The following CUX1 variants were observed in gnomAD, a reference collection of about 807,000 sequenced individuals.
CUX1 encodes cut like homeobox 1, also known as protein CASP.
A neutral mutation model predicts 158.8 loss-of-function variants in CUX1; 31 were observed. The observed-to-expected ratio is 0.20, with a 90% CI of 0.15 to 0.26. The LOEUF is 0.26. Among genes scored for constraint, CUX1 ranks in the 10% least tolerant of loss-of-function variants. The probability of loss-of-function intolerance (pLI) is 1.00; values close to 1 mark genes in which losing one functional copy is unlikely to be tolerated. For missense variants in CUX1, 1,589 were observed against 2,014.6 expected, an observed-to-expected ratio of 0.79 and a Z score of 4.04; for synonymous variants, 879 against 862.1, an observed-to-expected ratio of 1.02 and a Z score of -0.34.
intron 1 of CUX1, among the ~76,000 whole-genome samples, chr7:101,893,424 G>C (rs548119759): frequency 6.6e-6 from 1 of 152,124 alleles, no homozygotes; most frequent in Non-Finnish European, 1.5e-5. Context: ...TTGCCTTGTA[G>C]ACGGAAAGTT....
At chr7:102,092,491 A>G (rs531989664) in intron 4 of CUX1, among the ~76,000 whole-genome samples, 9 of 152,340 alleles carry the variant, frequency 5.9e-5, no homozygotes, top group African/African-American at 2.2e-4. Flanking sequence ...CAGCAGCGCA[A>G]ACGCTCCTCA....
At chr7:101,967,211 C>T (rs1811334271) in intron 2 of CUX1, among the ~76,000 whole-genome samples, 1 of 152,056 alleles carries the variant, frequency 6.6e-6, no homozygotes, top group Non-Finnish European at 1.5e-5. Flanking sequence ...GATGGGGTTT[C>T]ACCATGTTGG....
At chr7:101,825,753 C>G (rs1017227262) in intron 1 of CUX1, among the ~76,000 whole-genome samples, 4 of 129,454 alleles carry the variant, frequency 3.1e-5, no homozygotes, top group African/African-American at 1.1e-4. Context: ...TTAATGAAAT[C>G]TGTGTGTGTG....
chr7:102,146,578 T>G (rs2131447694), intron 8 of CUX1, among the ~76,000 whole-genome samples: 1 of 152,222 alleles, frequency 6.6e-6, no homozygotes, highest in East Asian at 1.9e-4. Context: ...CGTTCTTATG[T>G]TCGTTGGTTT....
chr7:102,019,837 AT>A (rs1212052662), intron 2 of CUX1, among the ~76,000 whole-genome samples: 1 of 152,202 alleles, frequency 6.6e-6, no homozygotes, highest in East Asian at 1.9e-4. Flanking sequence ...TTTCAAGATA[AT>A]CTTATTTAAT....
chr7:101,978,695 G>T (rs746479959), intron 2 of CUX1, among the ~76,000 whole-genome samples: 1 of 152,108 alleles, frequency 6.6e-6, no homozygotes, highest in African/African-American at 2.4e-5. Flanking sequence ...CTCTAGCCCC[G>T]GTCTTCACCC....
At chr7:102,198,739 C>A in intron 15 of CUX1, 63 bp from the exon 16 acceptor site, 2 of 1,406,930 alleles carry the variant, frequency 1.4e-6, no homozygotes, top group Non-Finnish European at 2.0e-6. Flanking sequence ...GTCACACAGC[C>A]CATATCGTCA....
At chr7:102,269,807 GTCT>G (rs1791084757) in intron 14 of CUX1, among the ~76,000 whole-genome samples, 2 of 145,258 alleles carry the variant, frequency 1.4e-5, no homozygotes, top group South Asian at 4.5e-4. Context: ...TCATCTTACT[GTCT>G]TCTTCCATGC....
intron 3 of CUX1, among the ~76,000 whole-genome samples, chr7:102,038,657 T>C (rs945164327): frequency 6.6e-6 from 1 of 152,150 alleles, no homozygotes; most frequent in African/African-American, 2.4e-5. Flanking sequence ...ATATATACGC[T>C]AAAGAAACAA....
Position 102,212,601 on chromosome 7 carries a change from G to T in CUX1, c.3130+7431G>T, listed in dbSNP as rs150019863. ...CAAAATGCAAGCATTCAAACTTACA[G>T]TCTTTTTAAGAAATCGGTCACCATC... On this transcript the variant is annotated intron_variant, in intron 20 of 23. Coordinates refer to ENST00000292535, the MANE Select transcript of CUX1 (RefSeq NM_181552.4). Among the ~76,000 whole-genome samples, 389 of 152,208 alleles carry T rather than the reference G, an allele frequency of 2.6e-3. 2 individuals are homozygous for T. Among genetic ancestry groups the T allele is most frequent in the African/African-American group, 9.1e-3 (379 of 41,518 alleles).
chr7:101,865,959 C>T (rs531364074), intron 1 of CUX1, among the ~76,000 whole-genome samples: 1 of 152,284 alleles, frequency 6.6e-6, no homozygotes, highest in East Asian at 1.9e-4. Context: ...GCTTGTTTTA[C>T]AGCCTCCGGT....
At chr7:101,978,925 C>T (rs1226982776) in intron 2 of CUX1, among the ~76,000 whole-genome samples, 2 of 152,208 alleles carry the variant, frequency 1.3e-5, no homozygotes, top group Non-Finnish European at 2.9e-5. Flanking sequence ...AGGCACAGAG[C>T]CCGGGGTATC....
intron 2 of CUX1, among the ~76,000 whole-genome samples, chr7:101,975,264 A>AAG (rs58160469): frequency 1.3e-3 from 191 of 151,356 alleles, no homozygotes; most frequent in Middle Eastern, 3.4e-3. Flanking sequence ...AGGAAAAAAA[A>AAG]AGAGAGAGAG....
At chr7:102,221,244 C>T (rs1797764012) in intron 20 of CUX1, among the ~76,000 whole-genome samples, 1 of 152,240 alleles carries the variant, frequency 6.6e-6, no homozygotes, top group Non-Finnish European at 1.5e-5. Context: ...TCACGGAGTA[C>T]CCTGTCATTT....
intron 17 of CUX1, chr7:102,277,810 G>A: frequency 2.1e-6 from 1 of 471,690 alleles, no homozygotes; most frequent in Non-Finnish European, 3.8e-6. Flanking sequence ...GGCCACAGTG[G>A]GGGAAGGGGC....
rs1033043645 is a variant in CUX1 at position 102,013,804 on chromosome 7, A to G, written c.142-14294A>G. Among the ~76,000 whole-genome samples, 106 of 152,208 alleles carry G rather than the reference A, an allele frequency of 7.0e-4. 1 individual carries two copies. Among genetic ancestry groups the G allele is most frequent in the Middle Eastern group, 3.4e-3 (1 of 294 alleles). On this transcript the variant is annotated intron_variant, in intron 2 of 23. Coordinates refer to ENST00000292535, the MANE Select transcript of CUX1 (RefSeq NM_181552.4). Reference sequence around the variant, plus strand: ...ACTGCACCCTCGACCTCTCTGGGCTAAGCCATCCTTCCACCTCAGCCTCCC... The same window carrying G: ...ACTGCACCCTCGACCTCTCTGGGCTGAGCCATCCTTCCACCTCAGCCTCCC...
At position 102,170,645 on chromosome 7, in the gene CUX1, T is replaced by C. The variant is rs377211262; in HGVS notation, c.828+95T>C. The C allele has an allele frequency of 5.1e-4, 430 of 847,224 alleles. 7 individuals carry two copies. The South Asian group carries it at 5.8e-3, about 12-fold the overall frequency. 52.5% of individuals were successfully genotyped at this position (847,224 alleles called of 1,614,324 possible). A position where few individuals can be genotyped will look rare whatever the true frequency, so the allele number is the denominator to read the frequency against. ...CTCCTTTTTGTTTTCAGCATCTCTT[T>C]TTGGGAATCACGTTTTAACTAGTAC... On this transcript the variant is annotated intron_variant, in intron 10 of 23. Coordinates refer to ENST00000292535, the MANE Select transcript of CUX1 (RefSeq NM_181552.4).
chr7:101,816,072 C>T, upstream of CUX1: 1 of 1,414,472 alleles, frequency 7.1e-7, no homozygotes, highest in Non-Finnish European at 9.4e-7. Context: ...ATTGGAAGCG[C>T]TTTGATTTAC....
intron 1 of CUX1, among the ~76,000 whole-genome samples, chr7:101,823,164 T>A (rs1040568731): frequency 1.4e-4 from 22 of 152,164 alleles, no homozygotes; most frequent in Non-Finnish European, 2.2e-4. Context: ...GTGCAGGTAC[T>A]GTGGCCACAA....
Sources: gnomAD v4.1 joint callset for allele counts (sites outside exome capture counted in the v4.1 genomes callset) on GRCh38, gnomAD v4.1.1 for gene constraint, MANE v1.5 for transcripts, NCBI Gene and HGNC (gene_info 2026-07-23, HGNC 2026-07-21) for gene names.